The following MAPRE1 variants were observed in gnomAD, a reference collection of about 807,000 sequenced individuals.
MAPRE1 encodes microtubule-associated protein RP/EB family member 1.
In MAPRE1, 5 loss-of-function variants were observed where a neutral mutation model predicts 32.1. The observed-to-expected ratio is 0.16, with a 90% confidence interval of 0.08 to 0.33. The LOEUF (loss-of-function observed/expected upper bound fraction) is 0.33. Ranked by LOEUF, MAPRE1 falls within the 10% of genes least tolerant of loss-of-function variation. The pLI is 1.00. For missense variants in MAPRE1, 209 were observed against 327.2 expected (o/e 0.64, Z 2.79); for synonymous variants, 122 against 118.9 (o/e 1.03, Z -0.17).
At chr20:32,823,490 G>A (rs978224196) in intron 1 of MAPRE1, among the ~76,000 whole-genome samples, 3 of 152,212 alleles carry the variant, frequency 2.0e-5, no homozygotes, top group Non-Finnish European at 4.4e-5. Context: ...ACTGCTCAGG[G>A]ATTTGATTTA....
intron 6 of MAPRE1, among the ~76,000 whole-genome samples, chr20:32,847,592 T>C (rs1983537700): frequency 6.6e-6 from 1 of 152,214 alleles, no homozygotes; most frequent in Non-Finnish European, 1.5e-5. Context: ...AATAAATCTT[T>C]AATTTAGAGC....
At chr20:32,830,479 A>G (rs1982985610) in intron 2 of MAPRE1, among the ~76,000 whole-genome samples, 1 of 151,976 alleles carries the variant, frequency 6.6e-6, no homozygotes, top group South Asian at 2.1e-4. Context: ...CCATGATTCC[A>G]TCTTTCTTCC....
intron 5 of MAPRE1, among the ~76,000 whole-genome samples, chr20:32,842,476 A>T (rs1337251301): frequency 1.3e-5 from 2 of 152,226 alleles, no homozygotes; most frequent in Non-Finnish European, 2.9e-5. Flanking sequence ...ACACATAAGG[A>T]TAATAAGGCT....
At chr20:32,826,710 G>A (rs1397006617) in intron 2 of MAPRE1, among the ~76,000 whole-genome samples, 1 of 151,430 alleles carries the variant, frequency 6.6e-6, no homozygotes, top group Non-Finnish European at 1.5e-5. Flanking sequence ...TGTATTTTTA[G>A]TGGAGACGGG....
chr20:32,841,929 CTG>C (rs1166340289), intron 5 of MAPRE1, among the ~76,000 whole-genome samples: 1 of 151,564 alleles, frequency 6.6e-6, no homozygotes, highest in African/African-American at 2.4e-5. Context: ...GGATAAAAGA[CTG>C]TGATGATTAT....
chr20:32,832,549 C>T (rs1387567747), intron 2 of MAPRE1, among the ~76,000 whole-genome samples: 1 of 149,190 alleles, frequency 6.7e-6, no homozygotes, highest in Non-Finnish European at 1.5e-5. Flanking sequence ...TCACTGCAGT[C>T]CTTGACCTCT....
chr20:32,835,366 T>TTTTTTTTTTTG (rs1216619318), intron 3 of MAPRE1, among the ~76,000 whole-genome samples: 2 of 132,894 alleles, frequency 1.5e-5, no homozygotes, highest in African/African-American at 5.8e-5. Flanking sequence ...TTATTGGTGT[T>TTTTTTTTTTTG]TTTTTTTTTT....
Position 32,833,703 on chromosome 20 carries a change from C to T in MAPRE1, c.122-14C>T, listed in dbSNP as rs41289868. The T allele has an allele frequency of 0.032, 51,863 of 1,600,050 alleles. 945 individuals are homozygous for T. The highest frequency in any genetic ancestry group is 0.038 in the Non-Finnish European group (44,457 of 1,172,034). On this transcript the variant is annotated splice_polypyrimidine_tract_variant and intron_variant, in intron 2 of 6. Transcript: ENST00000375571. ...TTCTTTAATTGTATTTTTCTGTTGCCGTTGTTCTTTCAGGGGCTGCGTATT... is the reference window on the plus strand; with the variant it reads ...TTCTTTAATTGTATTTTTCTGTTGCTGTTGTTCTTTCAGGGGCTGCGTATT...
At chr20:32,840,254 G>A (rs994671921) in intron 5 of MAPRE1, among the ~76,000 whole-genome samples, 4 of 152,334 alleles carry the variant, frequency 2.6e-5, no homozygotes, top group Non-Finnish European at 4.4e-5. Context: ...GGAATTCAGA[G>A]TGGAACTGGT....
At chr20:32,832,505 C>G (rs2146128221) in intron 2 of MAPRE1, among the ~76,000 whole-genome samples, 1 of 145,524 alleles carries the variant, frequency 6.9e-6, no homozygotes, top group South Asian at 2.2e-4. Flanking sequence ...CTCTCTCTGT[C>G]CCCCAGGCTG....
chr20:32,821,464 G>A (rs1982699764), intron 1 of MAPRE1, among the ~76,000 whole-genome samples: 1 of 152,222 alleles, frequency 6.6e-6, no homozygotes, highest in Admixed American at 6.5e-5. Flanking sequence ...CTGAGGTCCA[G>A]AGCTACACAT....
chr20:32,823,634 T>C, intron 1 of MAPRE1, among the ~76,000 whole-genome samples: 1 of 152,110 alleles, frequency 6.6e-6, no homozygotes, highest in South Asian at 2.1e-4. Flanking sequence ...AGTGCCTGGG[T>C]GTGGTGGCTC....
At chr20:32,823,154 A>G (rs1982747204) in intron 1 of MAPRE1, among the ~76,000 whole-genome samples, 1 of 152,238 alleles carries the variant, frequency 6.6e-6, no homozygotes, top group African/African-American at 2.4e-5. Flanking sequence ...TGACCTCTAC[A>G]GACCTCAGTC....
At chr20:32,842,128 C>T (rs1458911933) in intron 5 of MAPRE1, among the ~76,000 whole-genome samples, 2 of 151,902 alleles carry the variant, frequency 1.3e-5, no homozygotes, top group Non-Finnish European at 2.9e-5. Flanking sequence ...CTCTGTCGCC[C>T]AGGCTGGAGT....
intron 2 of MAPRE1, among the ~76,000 whole-genome samples, chr20:32,830,890 A>AC (rs1983000352): frequency 6.6e-6 from 1 of 151,808 alleles, no homozygotes. Context: ...CACCCGGCTA[A>AC]TTTTTTTGTA....
intron 2 of MAPRE1, 22 bp downstream of exon 2, chr20:32,826,070 A>G (rs757964223): frequency 6.4e-7 from 1 of 1,568,900 alleles, no homozygotes; most frequent in Non-Finnish European, 8.7e-7. Flanking sequence ...CTGCTGGATC[A>G]TTTTTCTAGG....
At chr20:32,844,439 CTTTTTTTTTTTTTTTTT>C (rs71190880) in intron 5 of MAPRE1, among the ~76,000 whole-genome samples, 14 of 52,052 alleles carry the variant, frequency 2.7e-4, no homozygotes, top group Non-Finnish European at 4.3e-4. Flanking sequence ...GCTAGCATTC[CTTTTTTTTTTTTTTTTT>C]TTTTTTTTTT....
chr20:32,819,900 T>G (rs780055023), upstream of MAPRE1: 1 of 140,228 alleles, frequency 7.1e-6, no homozygotes, highest in Non-Finnish European at 1.6e-5. Flanking sequence ...AGCCTTTACG[T>G]CGGCGCGTAA....
At chr20:32,838,470 C>T (rs1359436940) in intron 4 of MAPRE1, among the ~76,000 whole-genome samples, 1 of 152,138 alleles carries the variant, frequency 6.6e-6, no homozygotes, top group Non-Finnish European at 1.5e-5. Context: ...CTGTGTGGAC[C>T]TACAAGTTTT....
Sources: gnomAD v4.1 joint callset for allele counts (sites outside exome capture counted in the v4.1 genomes callset) on GRCh38, gnomAD v4.1.1 for gene constraint, MANE v1.5 for transcripts, NCBI Gene and HGNC (gene_info 2026-07-23, HGNC 2026-07-21) for gene names.